The following FSTL4 variants were observed in gnomAD, a reference collection of about 807,000 sequenced individuals.
FSTL4 encodes follistatin-related protein 4.
In FSTL4, 28 loss-of-function variants were observed where a neutral mutation model predicts 78.2. That is an observed-to-expected ratio of 0.36 (90% CI 0.27 to 0.49). The LOEUF is 0.49. Ranked by LOEUF, FSTL4 falls within the 20% of genes least tolerant of loss-of-function variation. The pLI is 0.98. For missense variants in FSTL4, 922 were observed against 1,084.9 expected (o/e 0.85, Z 2.11); for synonymous variants, 422 against 440.5 (o/e 0.96, Z 0.53).
intron 6 of FSTL4, among the ~76,000 whole-genome samples, chr5:133,255,299 C>A (rs369869371): frequency 6.6e-6 from 1 of 152,184 alleles, no homozygotes; most frequent in Non-Finnish European, 1.5e-5. Context: ...CACTACTGGG[C>A]AGAAGTCTGT....
At chr5:133,744,335 A>C in the FSTL4 span, among the ~76,000 whole-genome samples, 1 of 152,158 alleles carries the variant, frequency 6.6e-6, no homozygotes, top group Non-Finnish European at 1.5e-5. Flanking sequence ...CAGGACCATG[A>C]TTCTGTGGTT....
chr5:133,463,873 G>A (rs1757645788), intron 3 of FSTL4, among the ~76,000 whole-genome samples: 1 of 152,244 alleles, frequency 6.6e-6, no homozygotes. Context: ...GGAAGGACCA[G>A]CAAAGTTAGG....
chr5:133,346,205 A>G (rs1269914527), intron 4 of FSTL4, among the ~76,000 whole-genome samples: 1 of 152,058 alleles, frequency 6.6e-6, no homozygotes, highest in Non-Finnish European at 1.5e-5. Context: ...GAACACATGG[A>G]TAGAGGGAGG....
At chr5:133,280,055 T>C (rs1240606389) in intron 6 of FSTL4, among the ~76,000 whole-genome samples, 1 of 152,184 alleles carries the variant, frequency 6.6e-6, no homozygotes, top group Admixed American at 6.5e-5. Flanking sequence ...AGCACCTTGA[T>C]TTCTGGCTTC....
chr5:133,245,814 C>T lies in FSTL4; in HGVS notation c.894+3596G>A, dbSNP rs1019145372. Reference sequence around the variant, plus strand: ...TGGCTCCTTCTTACTTGGCTCCAGGCGAGAGGGGTACATTTACTTTCTGAT... The same window carrying T: ...TGGCTCCTTCTTACTTGGCTCCAGGTGAGAGGGGTACATTTACTTTCTGAT... On this transcript the variant is annotated intron_variant, in intron 7 of 15. Transcript: ENST00000265342. Among the ~76,000 whole-genome samples, 137 of 152,126 alleles carry T rather than the reference C, an allele frequency of 9.0e-4. 1 individual carries two copies. The highest frequency in any genetic ancestry group is 3.1e-4 in the Non-Finnish European group (21 of 68,024).
rs1487292038 is a variant in FSTL4 at position 133,340,104 on chromosome 5, A to C, written c.410-23452T>G. Among the ~76,000 whole-genome samples the C allele has an allele frequency of 7.2e-5, 11 of 152,044 alleles. No homozygotes were observed. The East Asian group carries it at 1.6e-3, about 21-fold the overall frequency. ...ATGGGGAGTCTCAGAGCAGAGCAGC[A>C]CCCACTTGCTTGCTTGCTGGAAGCC... On this transcript the variant is annotated intron_variant, in intron 4 of 15. Transcript: ENST00000265342.
At chr5:133,738,902 TC>T in the FSTL4 span, among the ~76,000 whole-genome samples, 1 of 152,006 alleles carries the variant, frequency 6.6e-6, no homozygotes, top group Non-Finnish European at 1.5e-5. Flanking sequence ...AACCCACACT[TC>T]CTCCTCATTC....
chr5:133,370,047 C>G (rs535474820), intron 4 of FSTL4, among the ~76,000 whole-genome samples: 2 of 152,228 alleles, frequency 1.3e-5, no homozygotes, highest in Non-Finnish European at 2.9e-5. Context: ...GATTCCAATC[C>G]CCCTCCTCCA....
intron 3 of FSTL4, among the ~76,000 whole-genome samples, chr5:133,527,173 G>C (rs984931911): frequency 2.0e-5 from 3 of 152,190 alleles, no homozygotes; most frequent in Admixed American, 6.5e-5. Context: ...GGTTTCAGCA[G>C]AAGATGGAAA....
At chr5:133,458,751 G>C (rs889101352) in intron 3 of FSTL4, among the ~76,000 whole-genome samples, 8 of 152,356 alleles carry the variant, frequency 5.3e-5, no homozygotes, top group African/African-American at 1.9e-4. Context: ...GTTGTCTGTG[G>C]GAGTATTATC....
At chr5:133,461,597 G>A (rs965917125) in intron 3 of FSTL4, among the ~76,000 whole-genome samples, 4 of 152,102 alleles carry the variant, frequency 2.6e-5, no homozygotes, top group Non-Finnish European at 4.4e-5. Flanking sequence ...GAAATTCTAC[G>A]GAAGTTACAA....
chr5:133,221,913 T>TTTTTTG (rs1554097224), intron 11 of FSTL4, among the ~76,000 whole-genome samples: 1 of 97,806 alleles, frequency 1.0e-5, no homozygotes, highest in Non-Finnish European at 1.9e-5. Context: ...TTTTTTTTTT[T>TTTTTTG]TTTTTTTTTT....
chr5:133,780,161 C>A, the FSTL4 span, among the ~76,000 whole-genome samples: 6 of 152,104 alleles, frequency 3.9e-5, no homozygotes, highest in South Asian at 1.2e-3. Flanking sequence ...TAGGGAAGGA[C>A]AGCAGTTCCA....
chr5:133,465,624 C>T lies in FSTL4; in HGVS notation c.161-64638G>A, dbSNP rs193166761. On this transcript the variant is annotated intron_variant, in intron 3 of 15. Coordinates refer to ENST00000265342, the MANE Select transcript of FSTL4 (RefSeq NM_015082.2). ...CAGGGGGTGGGGAGGCCACTCCCCA[C>T]ACACATGGAGGAGCACAGTGGGGTT... is the stretch of plus-strand genomic sequence containing the variant. Among the ~76,000 whole-genome samples the T allele has an allele frequency of 8.9e-4, 136 of 152,294 alleles. 1 individual carries two copies. Among genetic ancestry groups the T allele is most frequent in the Admixed American group, 1.6e-3 (25 of 15,304 alleles).
At position 133,592,496 on chromosome 5, in the gene FSTL4, A is replaced by G. The variant is rs866016333; in HGVS notation, c.126+11362T>C. On this transcript the variant is annotated intron_variant, in intron 2 of 15. Coordinates refer to ENST00000265342, the MANE Select transcript of FSTL4 (RefSeq NM_015082.2). ...TTTTGTTCTAGTCAGCATGGTCATA[A>G]AAGTGTTTCTGTTCCTAAGAATTAC... Among the ~76,000 whole-genome samples, 5 of 152,210 alleles carry G rather than the reference A, an allele frequency of 3.3e-5. No individual in the cohort carries two copies. The East Asian group carries it at 9.6e-4, about 29-fold the overall frequency.
chr5:133,801,971 C>A, the FSTL4 span, among the ~76,000 whole-genome samples: 2 of 152,242 alleles, frequency 1.3e-5, no homozygotes, highest in Non-Finnish European at 2.9e-5. Flanking sequence ...TCCAGCCCAT[C>A]CTTCCTCTCT....
intron 4 of FSTL4, among the ~76,000 whole-genome samples, chr5:133,318,491 G>A (rs1433832989): frequency 1.3e-5 from 2 of 152,194 alleles, no homozygotes; most frequent in Non-Finnish European, 2.9e-5. Context: ...CCAGAAGTGG[G>A]GGTACAGAAT....
intron 3 of FSTL4, among the ~76,000 whole-genome samples, chr5:133,409,171 T>C (rs1434600844): frequency 6.6e-6 from 1 of 152,072 alleles, no homozygotes; most frequent in African/African-American, 2.4e-5. Context: ...AAATTATACA[T>C]TCTTAGGGCA....
chr5:133,471,474 T>TG (rs1230376681), intron 3 of FSTL4, among the ~76,000 whole-genome samples: 1 of 152,152 alleles, frequency 6.6e-6, no homozygotes, highest in Non-Finnish European at 1.5e-5. Context: ...TTCTCATGGA[T>TG]GGGATTGGTG....
Sources: gnomAD v4.1 joint callset for allele counts (sites outside exome capture counted in the v4.1 genomes callset) on GRCh38, gnomAD v4.1.1 for gene constraint, MANE v1.5 for transcripts, NCBI Gene and HGNC (gene_info 2026-07-23, HGNC 2026-07-21) for gene names.